Variants in INSL6 observed in about 807,000 individuals in gnomAD.
INSL6 encodes insulin-like peptide INSL6.
In INSL6, 16 loss-of-function variants were observed where a neutral mutation model predicts 9.4. The observed-to-expected ratio is 1.70, with a 90% CI of 1.15 to 2.59. INSL6 has a LOEUF of 2.59. Among genes scored for constraint, INSL6 ranks in the 30% most tolerant of loss-of-function variants. The probability of loss-of-function intolerance (pLI) is 0.00; values close to 1 mark genes in which losing one functional copy is unlikely to be tolerated. For synonymous variants in INSL6, 154 were observed against 96.9 expected, an observed-to-expected ratio of 1.59 and a Z score of -3.46; for missense variants, 391 against 257.3, an observed-to-expected ratio of 1.52 and a Z score of -3.56.
Position 5,165,164 on chromosome 9 carries a change from T to C in INSL6, c.290-899A>G, listed in dbSNP as rs140426936. Among the ~76,000 whole-genome samples, 749 of 152,252 alleles carry C rather than the reference T, an allele frequency of 4.9e-3. 9 individuals carry two copies. Among genetic ancestry groups the C allele is most frequent in the African/African-American group, 0.017 (701 of 41,554 alleles). ...AGGAAGAAGTTGCAGTGAGCCGAGA[T>C]AGTGCCACTGCACTCCGGTCTAGGT... On this transcript the variant is annotated intron_variant, in intron 1 of 1. Transcript: ENST00000381641.
At chr9:5,075,022 G>T in the INSL6 span, among the ~76,000 whole-genome samples, 2 of 151,946 alleles carry the variant, frequency 1.3e-5, no homozygotes, top group African/African-American at 4.9e-5. Context: ...CTAGATAGAA[G>T]ATCAAACCAG....
the INSL6 span, among the ~76,000 whole-genome samples, chr9:5,005,378 G>A: frequency 6.6e-6 from 1 of 151,740 alleles, no homozygotes; most frequent in African/African-American, 2.4e-5. Context: ...TCATATGGAT[G>A]GCTTGAAAAT....
chr9:5,092,640 T>A, the INSL6 span, among the ~76,000 whole-genome samples: 2 of 152,176 alleles, frequency 1.3e-5, no homozygotes, highest in Non-Finnish European at 2.9e-5. Flanking sequence ...CCCTTATACC[T>A]TCTGCATAAA....
chr9:5,127,705 T>C, intron 3 of INSL6: 1 of 232,442 alleles, frequency 4.3e-6, no homozygotes, highest in Non-Finnish European at 8.5e-6. Context: ...GGATTTATGC[T>C]CATGAACTAA....
the INSL6 span, among the ~76,000 whole-genome samples, chr9:5,056,521 A>C: frequency 6.6e-6 from 1 of 151,964 alleles, no homozygotes; most frequent in African/African-American, 2.4e-5. Flanking sequence ...CTAACTTGCA[A>C]CTCACTTAAT....
chr9:5,126,904 G>T (rs1824036624), intron 3 of INSL6: 1 of 535,696 alleles, frequency 1.9e-6, no homozygotes, highest in Admixed American at 4.0e-5. Context: ...CATGATGCTA[G>T]CCAGCAAAGA....
the INSL6 span, among the ~76,000 whole-genome samples, chr9:5,070,813 G>A: frequency 2.6e-5 from 4 of 152,068 alleles, no homozygotes; most frequent in African/African-American, 9.7e-5. Context: ...TGGCAGTCAG[G>A]TGGTGAGGGT....
the INSL6 span, among the ~76,000 whole-genome samples, chr9:5,042,655 A>G: frequency 6.6e-6 from 1 of 151,514 alleles, no homozygotes; most frequent in East Asian, 2.0e-4. Context: ...TCCCTCATCC[A>G]AAGGCCGTTT....
the INSL6 span, among the ~76,000 whole-genome samples, chr9:4,997,434 G>A: frequency 6.6e-6 from 1 of 152,144 alleles, no homozygotes; most frequent in African/African-American, 2.4e-5. Flanking sequence ...AAGAGCTGGA[G>A]CAAAAGAGAA....
chr9:5,048,167 A>G, the INSL6 span, among the ~76,000 whole-genome samples: 1 of 151,118 alleles, frequency 6.6e-6, no homozygotes, highest in Admixed American at 6.6e-5. Context: ...TTTGAGATGG[A>G]GTCTCCCACT....
At chr9:5,054,418 G>A in the INSL6 span, 7 of 612,114 alleles carry the variant, frequency 1.1e-5, no homozygotes, top group African/African-American at 7.4e-5. This position sits in a 1 kb window ranked among gnomAD's most constrained non-coding sequence, Gnocchi z 4.9. Context: ...ATGGATGGGG[G>A]TTATGTCAAC....
intron 1 of INSL6, among the ~76,000 whole-genome samples, chr9:5,174,942 CT>C (rs113608121): frequency 0.058 from 8,296 of 142,564 alleles, 628 homozygotes; most frequent in African/African-American, 0.19. Flanking sequence ...TGGAGTCATT[CT>C]TTTTTTTTTT....
At chr9:5,124,310 C>CTA (rs1823835791) in exon 4 of INSL6, among the ~76,000 whole-genome samples, 1 of 151,626 alleles carries the variant, frequency 6.6e-6, no homozygotes, top group Admixed American at 6.6e-5. Flanking sequence ...AAAGTTTTCT[C>CTA]TAGGTTTTTT....
At chr9:5,148,185 T>C (rs562768543) in intron 2 of INSL6, among the ~76,000 whole-genome samples, 3 of 152,224 alleles carry the variant, frequency 2.0e-5, no homozygotes, top group African/African-American at 7.2e-5. Flanking sequence ...AATTGTGGTA[T>C]AAACTGAGTA....
chr9:5,005,740 T>C, the INSL6 span, among the ~76,000 whole-genome samples: 1 of 152,202 alleles, frequency 6.6e-6, no homozygotes, highest in South Asian at 2.1e-4. Flanking sequence ...TCAATGTTTC[T>C]TCCTCAGACA....
chr9:5,113,443 A>C, the INSL6 span: 20 of 120,658 alleles, frequency 1.7e-4, no homozygotes, highest in East Asian at 4.9e-4. Context: ...AAAAAAAAAA[A>C]AAAAAACCCG....
At chr9:5,146,357 G>A (rs1251731273) in intron 2 of INSL6, among the ~76,000 whole-genome samples, 3 of 152,174 alleles carry the variant, frequency 2.0e-5, no homozygotes, top group African/African-American at 7.2e-5. Context: ...GAGTGCTAGT[G>A]GATTCAGGGG....
the INSL6 span, among the ~76,000 whole-genome samples, chr9:5,008,443 G>A: frequency 6.6e-6 from 1 of 152,216 alleles, no homozygotes; most frequent in African/African-American, 2.4e-5. Context: ...GGCACTTTTG[G>A]TGATTGAGGA....
chr9:5,114,235 A>G, the INSL6 span: 1 of 526,396 alleles, frequency 1.9e-6, no homozygotes, highest in Non-Finnish European at 3.7e-6. Context: ...TTCATCCGCA[A>G]GTTGCCCACA....
Sources: allele counts gnomAD v4.1 joint callset (sites outside exome capture counted in the v4.1 genomes callset), GRCh38; gene constraint gnomAD v4.1.1; non-coding constraint Gnocchi (gnomAD v3.1); transcripts MANE v1.5; gene names NCBI Gene and HGNC (gene_info 2026-07-23, HGNC 2026-07-21).